The following TULP2 variants were observed in gnomAD, a reference collection of about 807,000 sequenced individuals.
TULP2 encodes tubby-related protein 2.
In TULP2, 64 loss-of-function variants were observed where a neutral mutation model predicts 60.3. The ratio of observed to expected loss-of-function variants is 1.06; its 90% CI spans 0.87 to 1.31. TULP2 has a LOEUF of 1.31. TULP2 is among the 50% of genes most tolerant of loss of function. TULP2 has a pLI of 0.00. For synonymous variants in TULP2, 267 were observed against 265.4 expected, an observed-to-expected ratio of 1.01 and a Z score of -0.06; for missense variants, 652 against 667.0, an observed-to-expected ratio of 0.98 and a Z score of 0.25.
chr19:48,885,360 A>C (rs2037169836), intron 9 of TULP2, 88 bp downstream of exon 9: 1 of 1,074,480 alleles, frequency 9.3e-7, no homozygotes, highest in African/African-American at 1.6e-5. Context: ...GGTGGAAGGT[A>C]TGCTCTGTGG....
chr19:48,888,779 G>A lies in TULP2; in HGVS notation c.637-518C>T, dbSNP rs963490118. On this transcript the variant is annotated intron_variant, in intron 7 of 12. Coordinates refer to ENST00000221399, the MANE Select transcript of TULP2 (RefSeq NM_003323.3). ...TAGGATTACAGGCTTTCGCCACCAC[G>A]CCCAGCTAATTTTTGTATTTTTAGT... Among the ~76,000 whole-genome samples, 5 of 149,796 alleles carry A rather than the reference G, an allele frequency of 3.3e-5. No homozygotes were observed. The South Asian group carries it at 6.3e-4, about 19-fold the overall frequency.
intron 11 of TULP2, among the ~76,000 whole-genome samples, chr19:48,882,717 T>C (rs373873368): frequency 5.9e-5 from 9 of 152,190 alleles, no homozygotes; most frequent in African/African-American, 2.2e-4. Context: ...GGAAGTAACT[T>C]GTGGAATGTT....
intron 6 of TULP2, among the ~76,000 whole-genome samples, chr19:48,890,096 T>C (rs1450262731): frequency 6.6e-6 from 1 of 152,030 alleles, no homozygotes; most frequent in Admixed American, 6.5e-5. Context: ...GAGGAAGGCA[T>C]GCCTCTTGCA....
chr19:48,897,982 T>A lies in TULP2; in HGVS notation c.-1-113A>T, dbSNP rs1255222604. The A allele has an allele frequency of 1.1e-6, 1 of 906,512 alleles. No individual in the cohort carries two copies. The highest frequency in any genetic ancestry group is 3.9e-5 in the Admixed American group (1 of 25,412). The allele number at this position is 906,512 out of a possible 1,614,324, so 56.2% of individuals were successfully genotyped here. ...TTATTTATTTATTTATTTATTTATG[T>A]ATTTAGAGACAGCTGAGCCTCGCTC... On this transcript the variant is annotated intron_variant, in intron 1 of 12. Transcript: ENST00000221399. The surrounding 1 kb of genome is among the most constrained non-coding windows in gnomAD (Gnocchi z 4.0).
intron 6 of TULP2, among the ~76,000 whole-genome samples, chr19:48,891,915 G>T (rs970409569): frequency 2.6e-5 from 4 of 152,204 alleles, no homozygotes; most frequent in Non-Finnish European, 5.9e-5. Flanking sequence ...AAGGTGCTGT[G>T]CCTGGATGTG....
chr19:48,895,562 A>T, intron 4 of TULP2, 59 bp from the exon 5 acceptor site: 2 of 1,557,892 alleles, frequency 1.3e-6, no homozygotes, highest in Non-Finnish European at 1.7e-6. Flanking sequence ...CCTCAACCAA[A>T]ATCCACCCCG....
At chr19:48,881,821 A>C (rs1273014421) in intron 12 of TULP2, among the ~76,000 whole-genome samples, 1 of 152,156 alleles carries the variant, frequency 6.6e-6, no homozygotes, top group African/African-American at 2.4e-5. Flanking sequence ...CCAGGCCGAG[A>C]ATGGAGACTT....
intron 8 of TULP2, among the ~76,000 whole-genome samples, chr19:48,887,338 T>TTTTTTTTTTTTTTTTTTTTTTTTTA (rs1285265988): frequency 1.0e-5 from 1 of 95,254 alleles, no homozygotes; most frequent in Admixed American, 1.1e-4. Flanking sequence ...TTTTTTTTTT[T>TTTTTTTTTTTTTTTTTTTTTTTTTA]TTTTTATGCA....
At chr19:48,889,350 G>A (rs903166420) in intron 7 of TULP2, among the ~76,000 whole-genome samples, 160 bp downstream of exon 7, 4 of 146,572 alleles carry the variant, frequency 2.7e-5, no homozygotes, top group Non-Finnish European at 6.0e-5. Context: ...ACACATGCAC[G>A]CACGCACGCA....
chr19:48,892,712 C>A (rs181847068), intron 6 of TULP2, among the ~76,000 whole-genome samples: 8 of 151,982 alleles, frequency 5.3e-5, no homozygotes, highest in Non-Finnish European at 1.2e-4. Context: ...ACTGTGGTCT[C>A]GATCTCCTGA....
At position 48,897,519 on chromosome 19, in the gene TULP2, A is replaced by G; in HGVS notation, c.33-123T>C. 1.0e-6 allele frequency: 1 copy of G among 1,000,338 alleles called. No homozygotes were observed. Among genetic ancestry groups the G allele is most frequent in the Non-Finnish European group, 1.5e-6 (1 of 654,084 alleles). 62.0% of individuals were successfully genotyped at this position (1,000,338 alleles called of 1,614,324 possible). On this transcript the variant is annotated intron_variant, in intron 2 of 12. Coordinates refer to ENST00000221399, the MANE Select transcript of TULP2 (RefSeq NM_003323.3). The surrounding 1 kb of genome is among the most constrained non-coding windows in gnomAD (Gnocchi z 4.0). Reference sequence around the variant, plus strand: ...TTCTGGGCACCTGTGAGGTCACAGGAGGTGCAGAACCTGAGCCTGCTCCAC... The same window carrying G: ...TTCTGGGCACCTGTGAGGTCACAGGGGGTGCAGAACCTGAGCCTGCTCCAC...
Position 48,883,914 on chromosome 19 carries a change from C to T in TULP2, c.1176+18G>A, listed in dbSNP as rs1381239642. On this transcript the variant is annotated intron_variant, in intron 10 of 12. Coordinates refer to ENST00000221399, the MANE Select transcript of TULP2 (RefSeq NM_003323.3). ...TTCTGACTATCCTACCCCATTCTCT[C>T]ATCCCCAGGACACTCACATAACACA... 2.5e-6 allele frequency: 4 copies of T among 1,613,814 alleles called. No individual in the cohort carries two copies. Among genetic ancestry groups the T allele is most frequent in the Non-Finnish European group, 3.4e-6 (4 of 1,179,888 alleles).
Position 48,896,513 on chromosome 19 carries a change from A to C in TULP2, c.128T>G (p.Leu43Arg). Reference sequence around the variant, plus strand: ...GTCAGGATTGGCCTGAACCATGAGGAGCTCCTGGCGCTTCTGTCGCTGCTT... The same window carrying C: ...GTCAGGATTGGCCTGAACCATGAGGCGCTCCTGGCGCTTCTGTCGCTGCTT... ...EKKQRQKRQELLMVQANPDAS... is the reference protein window; with the variant it reads ...EKKQRQKRQERLMVQANPDAS... The change falls in exon 4 of 13, where the codon CTC (leucine) becomes CGC (arginine). Residue 43 changes from leucine to arginine, a missense_variant. Transcript: ENST00000221399. 1 of 1,607,318 alleles carries C rather than the reference A, an allele frequency of 6.2e-7. No individual in the cohort carries two copies. Among genetic ancestry groups the C allele is most frequent in the African/African-American group, 1.3e-5 (1 of 74,684 alleles).
chr19:48,881,851 CCTTA>C (rs1422483100), intron 12 of TULP2, 177 bp downstream of exon 12: 118 of 771,022 alleles, frequency 1.5e-4, no homozygotes, highest in Non-Finnish European at 2.2e-4. Flanking sequence ...TGAGCGGTGC[CCTTA>C]CTAAGCCAGA....
chr19:48,882,310 C>CGACTCCATCT, intron 11 of TULP2, 107 bp from the exon 12 acceptor site: 4 of 1,304,648 alleles, frequency 3.1e-6, no homozygotes, highest in Non-Finnish European at 2.1e-6. Context: ...TGAACAGGGG[C>CGACTCCATCT]TGGGTAAAAT....
chr19:48,896,949 C>T (rs917495660), intron 3 of TULP2, among the ~76,000 whole-genome samples: 1 of 151,426 alleles, frequency 6.6e-6, no homozygotes, highest in Non-Finnish European at 1.5e-5. Context: ...GAGTGCAGTA[C>T]CACGATCTCC....
intron 8 of TULP2, among the ~76,000 whole-genome samples, chr19:48,887,169 G>T (rs927643847): frequency 6.6e-6 from 1 of 150,404 alleles, no homozygotes; most frequent in Admixed American, 6.7e-5. Flanking sequence ...CCACAACCAC[G>T]CCTGGCTAAC....
intron 7 of TULP2, 39 bp from the exon 8 acceptor site, chr19:48,888,300 C>T: frequency 6.5e-7 from 1 of 1,547,844 alleles, no homozygotes; most frequent in Non-Finnish European, 8.8e-7. Context: ...GGGACAACCA[C>T]CGGCCCAGCC....
intron 12 of TULP2, 125 bp downstream of exon 12, chr19:48,881,907 C>A: frequency 8.0e-7 from 1 of 1,250,240 alleles, no homozygotes; most frequent in Non-Finnish European, 1.1e-6. Context: ...ATAGGCTTTG[C>A]AATAGGGTGG....
Sources: allele counts gnomAD v4.1 joint callset (sites outside exome capture counted in the v4.1 genomes callset), GRCh38; gene constraint gnomAD v4.1.1; non-coding constraint Gnocchi (gnomAD v3.1); transcripts MANE v1.5; gene names NCBI Gene and HGNC (gene_info 2026-07-23, HGNC 2026-07-21).